The following TET1 variants were observed in gnomAD, a reference collection of about 807,000 sequenced individuals.
TET1 encodes the protein methylcytosine dioxygenase TET1.
A neutral mutation model predicts 148.7 loss-of-function variants in TET1; 13 were observed. That is an observed-to-expected ratio of 0.09 (90% CI 0.06 to 0.14). The LOEUF (loss-of-function observed/expected upper bound fraction) is 0.14. TET1 is among the 10% of genes least tolerant of loss of function. The pLI is 1.00. For missense variants in TET1, 2,182 were observed against 2,553.8 expected, an observed-to-expected ratio of 0.85 and a Z score of 3.14; for synonymous variants, 907 against 937.2, an observed-to-expected ratio of 0.97 and a Z score of 0.59.
At chr10:68,654,399 A>C (rs1205926712) in intron 6 of TET1, among the ~76,000 whole-genome samples, 1 of 152,044 alleles carries the variant, frequency 6.6e-6, no homozygotes, top group East Asian at 1.9e-4. Context: ...GCAGATCACC[A>C]GAGGTCAGGA....
rs1332772301 is a variant in TET1, at chr10:68,584,232, G to C, written c.1914+9980G>C. Among the ~76,000 whole-genome samples, 4 of 150,804 alleles carry C rather than the reference G, an allele frequency of 2.7e-5. No individual in the cohort carries two copies. In the East Asian group the frequency reaches 8.1e-4, roughly 31 times the overall value. On this transcript the variant is annotated intron_variant, in intron 2 of 11. Transcript: ENST00000373644. ...TTTTTTTTTATTTTTATTAGAGATG[G>C]GGTTTCACCATGTTGGCCAGGCTGG...
intron 8 of TET1, chr10:68,674,567 C>A: frequency 3.7e-6 from 2 of 540,792 alleles, no homozygotes; most frequent in East Asian, 4.2e-5. Flanking sequence ...TTAGAAAATT[C>A]AGCTGATTAC....
chr10:68,568,342 C>A (rs113941059), intron 1 of TET1, among the ~76,000 whole-genome samples: 8 of 151,584 alleles, frequency 5.3e-5, no homozygotes, highest in Non-Finnish European at 4.4e-5. Context: ...CATGCCTCAG[C>A]CTCCCGAGTA....
chr10:68,629,627 G>A (rs886571051), intron 3 of TET1, among the ~76,000 whole-genome samples: 1 of 151,168 alleles, frequency 6.6e-6, no homozygotes, highest in Non-Finnish European at 1.5e-5. Context: ...TCTGCCTCCC[G>A]GGTTCAAGTG....
chr10:68,690,710 A>T (rs973710388), intron 11 of TET1, 98 bp from the exon 12 acceptor site: 1 of 1,229,340 alleles, frequency 8.1e-7, no homozygotes, highest in Non-Finnish European at 1.1e-6. Context: ...GCGTTTTCTT[A>T]TATAATTCTT....
chr10:68,692,470 T>C lies in TET1; in HGVS notation c.*656T>C. The C allele has an allele frequency of 4.3e-6, 1 of 232,276 alleles. No individual in the cohort carries two copies. The highest frequency in any genetic ancestry group is 8.5e-6 in the Non-Finnish European group (1 of 117,220). 14.4% of individuals were successfully genotyped at this position (232,276 alleles called of 1,614,324 possible). A position where few individuals can be genotyped will look rare whatever the true frequency, so the allele number is the denominator to read the frequency against. On this transcript the variant is annotated 3_prime_UTR_variant, in exon 12 of 12. Coordinates refer to ENST00000373644, the MANE Select transcript of TET1 (RefSeq NM_030625.3). Reference sequence around the variant, plus strand: ...TTTTTAAAAGTAACTTGAAATAATATAGTATAAGAATCCTATTGTCTATTG... The same window carrying C: ...TTTTTAAAAGTAACTTGAAATAATACAGTATAAGAATCCTATTGTCTATTG...
chr10:68,659,809 A>C (rs1161390313), intron 6 of TET1, among the ~76,000 whole-genome samples: 4 of 152,230 alleles, frequency 2.6e-5, no homozygotes, highest in African/African-American at 9.6e-5. Context: ...AATTGTACAA[A>C]GTGAACATAC....
intron 3 of TET1, among the ~76,000 whole-genome samples, chr10:68,605,768 G>A (rs900509353): frequency 1.3e-5 from 2 of 152,286 alleles, no homozygotes; most frequent in African/African-American, 4.8e-5. Context: ...GCCCACTGCA[G>A]CCTCCCAAAA....
In TET1 at chr10:68,645,859, G is replaced by C. The variant is rs147552850; in HGVS notation, c.3130G>C (p.Glu1044Gln). 1 of 1,614,070 alleles carries C rather than the reference G, an allele frequency of 6.2e-7. No homozygotes were observed. The highest frequency in any genetic ancestry group is 1.3e-5 in the African/African-American group (1 of 74,998). Residue 1044 changes from glutamate (E) to glutamine (Q), a missense_variant, in exon 4 of 12, where the codon GAA becomes CAA. By Grantham distance (29) the Glu-to-Gln change is conservative. Transcript: ENST00000373644. ...DLHQLPPRNNEVEYCNQLLDS... is the reference protein window; with the variant it reads ...DLHQLPPRNNQVEYCNQLLDS... ...GCATCAGTTGCCACCAAGAAATAAT[G>C]AAGTGGAGTATTGCAACCAGTTACT...
chr10:68,646,539 G>C lies in TET1; in HGVS notation c.3810G>C (p.Thr1270=). 1 of 1,614,088 alleles carries C rather than the reference G, an allele frequency of 6.2e-7. No homozygotes were observed. The highest frequency in any genetic ancestry group is 8.5e-7 in the Non-Finnish European group (1 of 1,180,004). Residue 1270 remains threonine, a synonymous_variant, in exon 4 of 12, where the codon ACG becomes ACC. Transcript: ENST00000373644. Reference sequence around the variant, plus strand: ...CACTCAGCTTATTTCATCTTAAAACGGAATCCAACGGGAAGGCATTCACTG... The same window carrying C: ...CACTCAGCTTATTTCATCTTAAAACCGAATCCAACGGGAAGGCATTCACTG... ...LDSLSLFHLK[T]ESNGKAFTDK...
chr10:68,690,588 A>C (rs1465190173), intron 11 of TET1, among the ~76,000 whole-genome samples: 6 of 152,256 alleles, frequency 3.9e-5, no homozygotes, highest in Non-Finnish European at 8.8e-5. Context: ...GTCTCCAAAA[A>C]AAACATAAAA....
At chr10:68,655,597 A>C (rs1310664033) in intron 6 of TET1, among the ~76,000 whole-genome samples, 1 of 152,184 alleles carries the variant, frequency 6.6e-6, no homozygotes, top group Non-Finnish European at 1.5e-5. Flanking sequence ...CCTCTCTTTA[A>C]AACCTTTTCT....
rs2055613707 is a variant in TET1, at chr10:68,693,041, A to G, written c.*1227A>G. On this transcript the variant is annotated 3_prime_UTR_variant, in exon 12 of 12. Transcript: ENST00000373644. ...CAAAAACAAGAGGAATGGTACTACA[A>G]ACATGGCTTTGTCCATTAAGAGCTA... 4.3e-6 allele frequency: 1 copy of G among 230,678 alleles called. No homozygotes were observed. Among genetic ancestry groups the G allele is most frequent in the Non-Finnish European group, 8.5e-6 (1 of 117,148 alleles). 14.3% of individuals were successfully genotyped at this position (230,678 alleles called of 1,614,324 possible).
At chr10:68,666,624 G>A (rs1178456958) in intron 6 of TET1, among the ~76,000 whole-genome samples, 2 of 152,132 alleles carry the variant, frequency 1.3e-5, no homozygotes. Context: ...AGACTGCCTT[G>A]TACTACTTCT....
In TET1 at chr10:68,596,013, C is replaced by T. The variant is rs1225764367; in HGVS notation, c.1915-4968C>T. Among the ~76,000 whole-genome samples, 84 of 107,536 alleles carry T rather than the reference C, an allele frequency of 7.8e-4. 1 individual carries two copies. Among genetic ancestry groups the T allele is most frequent in the African/African-American group, 3.0e-3 (82 of 26,936 alleles). 70.5% of individuals were successfully genotyped at this position (107,536 alleles called of 152,430 possible). ...ACACACACACACACACACACACACA[C>T]ACACACACACACACATATATATATA... On this transcript the variant is annotated intron_variant, in intron 2 of 11. Transcript: ENST00000373644.
intron 3 of TET1, among the ~76,000 whole-genome samples, chr10:68,623,133 C>T (rs1043906582): frequency 6.6e-6 from 1 of 152,068 alleles, no homozygotes; most frequent in African/African-American, 2.4e-5. Flanking sequence ...CTATGCAAGT[C>T]CTTTAATCGT....
At chr10:68,661,196 ATTTTTTT>A (rs974912892) in intron 6 of TET1, among the ~76,000 whole-genome samples, 47 of 78,614 alleles carry the variant, frequency 6.0e-4, no homozygotes, top group Admixed American at 4.2e-3. Context: ...CGCCTGGCTA[ATTTTTTT>A]TTTTTTTTTT....
At chr10:68,569,433 C>G (rs1590155629) in intron 1 of TET1, among the ~76,000 whole-genome samples, 1 of 152,010 alleles carries the variant, frequency 6.6e-6, no homozygotes, top group Non-Finnish European at 1.5e-5. Flanking sequence ...CTCGGCCTCC[C>G]AAAGTGCTGG....
At position 68,572,765 on chromosome 10, in the gene TET1, A is replaced by G. The variant is rs1212018278; in HGVS notation, c.427A>G (p.Lys143Glu). The change falls in exon 2 of 12, where the codon AAG (lysine) becomes GAG (glutamate). Residue 143 changes from lysine (K) to glutamate (E), a missense_variant. Lys to Glu is a moderately conservative substitution (Grantham distance 56). Around this residue, in one of 11 missense-constraint regions of TET1, gnomAD observed 665 missense variants for 672.4 expected, o/e 0.99. Coordinates refer to ENST00000373644, the MANE Select transcript of TET1 (RefSeq NM_030625.3). ...GLEKQHDCDYKILPALGVKHS... is the reference protein window; with the variant it reads ...GLEKQHDCDYEILPALGVKHS... ...AGAAAAGCAACATGATTGTGATTAT[A>G]AGATACTCCCTGCTTTGGGAGTAAA... 5.6e-6 allele frequency: 9 copies of G among 1,614,090 alleles called. No individual in the cohort carries two copies. The highest frequency in any genetic ancestry group is 1.3e-5 in the African/African-American group (1 of 74,932).
Sources: allele counts gnomAD v4.1 joint callset (sites outside exome capture counted in the v4.1 genomes callset), GRCh38; gene constraint gnomAD v4.1.1; regional missense constraint gnomAD v4.1.1; transcripts MANE v1.5; gene names NCBI Gene and HGNC (gene_info 2026-07-23, HGNC 2026-07-21).